LRRC28: variants seen among roughly 807,000 people sequenced by gnomAD.
The protein encoded by LRRC28 is leucine rich repeat containing 28.
Under a neutral mutation model 45.7 loss-of-function variants are expected in LRRC28, and 39 were observed. The ratio of observed to expected loss-of-function variants is 0.85; its 90% confidence interval spans 0.66 to 1.12. The LOEUF is 1.12. LRRC28 is among the 50% of genes most tolerant of loss of function. LRRC28 has a pLI of 0.00. For missense variants in LRRC28, 435 were observed against 438.5 expected, an observed-to-expected ratio of 0.99 and a Z score of 0.07; for synonymous variants, 206 against 178.8, an observed-to-expected ratio of 1.15 and a Z score of -1.22.
At position 99,363,140 on chromosome 15, in the gene LRRC28, A is replaced by G; in HGVS notation, c.906A>G (p.Arg302=). 6.2e-7 allele frequency: 1 copy of G among 1,613,422 alleles called. No homozygotes were observed. The highest frequency in any genetic ancestry group is 8.5e-7 in the Non-Finnish European group (1 of 1,179,650). Residue 302 remains arginine (R), a synonymous_variant, in exon 9 of 10, where the codon AGA becomes AGG. Transcript: ENST00000301981. ...TTCTGTCTCCAATCTCATTACCCAG[A>G]AGTCTCCTAGAGCTGCTGCACTGCC... is the stretch of plus-strand genomic sequence containing the variant. ...LNFLSPISLP[R]SLLELLHCPL...
chr15:99,255,234 T>C (rs986565008), intron 1 of LRRC28, among the ~76,000 whole-genome samples: 10 of 151,856 alleles, frequency 6.6e-5, no homozygotes, highest in African/African-American at 2.4e-4. Flanking sequence ...TGGTGCTCTC[T>C]ATAGTACCAG....
chr15:99,263,005 G>A (rs1048513097), intron 2 of LRRC28, among the ~76,000 whole-genome samples: 3 of 151,878 alleles, frequency 2.0e-5, no homozygotes, highest in Non-Finnish European at 2.9e-5. Context: ...ATAACTGATA[G>A]GTGAAAAAGA....
chr15:99,258,649 A>T, intron 2 of LRRC28: 1 of 756,354 alleles, frequency 1.3e-6, no homozygotes, highest in South Asian at 1.4e-5. Context: ...CCAATATGGC[A>T]GAGACCATCC....
chr15:99,252,642 G>T (rs1283602729), intron 1 of LRRC28, among the ~76,000 whole-genome samples: 1 of 152,236 alleles, frequency 6.6e-6, no homozygotes, highest in Non-Finnish European at 1.5e-5. Flanking sequence ...TGGTTGTAAA[G>T]ATTAGACATC....
intron 2 of LRRC28, among the ~76,000 whole-genome samples, chr15:99,270,842 C>G (rs576693488): frequency 6.6e-6 from 1 of 152,116 alleles, no homozygotes; most frequent in Admixed American, 6.5e-5. Flanking sequence ...TTTGAGGAGC[C>G]ACCAAAAAGT....
chr15:99,354,959 T>C (rs1229584253), intron 7 of LRRC28, among the ~76,000 whole-genome samples: 2 of 152,204 alleles, frequency 1.3e-5, no homozygotes, highest in African/African-American at 4.8e-5. Context: ...TTTAGGTACT[T>C]GTGGGACAAT....
chr15:99,334,191 GA>G, intron 6 of LRRC28, 62 bp downstream of exon 6: 1 of 1,567,892 alleles, frequency 6.4e-7, no homozygotes, highest in Non-Finnish European at 8.8e-7. Context: ...TTGTTTCTTT[GA>G]CTAGAACCAA....
At chr15:99,295,647 T>C (rs956849944) in intron 5 of LRRC28, among the ~76,000 whole-genome samples, 6 of 152,236 alleles carry the variant, frequency 3.9e-5, no homozygotes, top group African/African-American at 1.2e-4. Flanking sequence ...TCAGAAAAGA[T>C]GTTGCTTACA....
intron 3 of LRRC28, among the ~76,000 whole-genome samples, chr15:99,282,177 G>GTTTTTTTTTTTTTTTTGTTT (rs766338889): frequency 1.0e-5 from 1 of 98,048 alleles, no homozygotes; most frequent in Non-Finnish European, 1.9e-5. Flanking sequence ...ATTTTTGGAG[G>GTTTTTTTTTTTTTTTTGTTT]TTTTTTTTTT....
chr15:99,254,945 A>T (rs1473238661), intron 1 of LRRC28, among the ~76,000 whole-genome samples: 1 of 152,216 alleles, frequency 6.6e-6, no homozygotes, highest in Non-Finnish European at 1.5e-5. Flanking sequence ...ATATTATAGA[A>T]TAATACAGGA....
intron 9 of LRRC28, among the ~76,000 whole-genome samples, chr15:99,371,638 A>T (rs1405242952): frequency 1.3e-5 from 2 of 152,154 alleles, no homozygotes; most frequent in South Asian, 2.1e-4. Flanking sequence ...TCACACCAAC[A>T]TTATTTGCAT....
At chr15:99,287,156 C>G (rs2081979187) in intron 3 of LRRC28, 101 bp from the exon 4 acceptor site, 1 of 970,166 alleles carries the variant, frequency 1.0e-6, no homozygotes, top group Non-Finnish European at 1.5e-6. Flanking sequence ...AAGTTGTGGC[C>G]TATTTATATT....
intron 2 of LRRC28, among the ~76,000 whole-genome samples, chr15:99,264,882 A>G (rs2081292255): frequency 6.6e-6 from 1 of 152,212 alleles, no homozygotes; most frequent in South Asian, 2.1e-4. Context: ...TGGGCTCCAG[A>G]GTACACATGG....
intron 2 of LRRC28, among the ~76,000 whole-genome samples, chr15:99,274,596 A>T (rs1037414937): frequency 3.9e-5 from 6 of 152,194 alleles, no homozygotes; most frequent in African/African-American, 1.4e-4. Flanking sequence ...TAATTTTTTC[A>T]ATTATAAAAG....
chr15:99,354,319 AGAT>A (rs1956981912), intron 7 of LRRC28, among the ~76,000 whole-genome samples: 1 of 152,258 alleles, frequency 6.6e-6, no homozygotes, highest in South Asian at 2.1e-4. Context: ...GAATTTTAAT[AGAT>A]GATAACTACT....
intron 5 of LRRC28, among the ~76,000 whole-genome samples, chr15:99,293,381 G>T (rs2082175715): frequency 6.6e-6 from 1 of 151,846 alleles, no homozygotes; most frequent in Non-Finnish European, 1.5e-5. Context: ...ATCACCTGAG[G>T]TTGGGAGTTC....
At chr15:99,373,861 A>G (rs1337760682) in intron 9 of LRRC28, among the ~76,000 whole-genome samples, 1 of 152,190 alleles carries the variant, frequency 6.6e-6, no homozygotes, top group African/African-American at 2.4e-5. Flanking sequence ...TTTGTGTTCT[A>G]AGAAATCTTT....
chr15:99,337,159 C>G (rs1413288211), intron 6 of LRRC28, among the ~76,000 whole-genome samples: 2 of 152,254 alleles, frequency 1.3e-5, no homozygotes, highest in Admixed American at 6.5e-5. Flanking sequence ...TCCTCATTCC[C>G]CTAGTCATTG....
At chr15:99,331,293 A>G (rs1956151037) in intron 5 of LRRC28, among the ~76,000 whole-genome samples, 1 of 152,172 alleles carries the variant, frequency 6.6e-6, no homozygotes, top group Non-Finnish European at 1.5e-5. Context: ...GGTATTGATG[A>G]CATTTTAATT....
Sources: gnomAD v4.1 joint callset for allele counts (sites outside exome capture counted in the v4.1 genomes callset) on GRCh38, gnomAD v4.1.1 for gene constraint, MANE v1.5 for transcripts, NCBI Gene and HGNC (gene_info 2026-07-23, HGNC 2026-07-21) for gene names.